The following TNFRSF8 variants were observed in gnomAD, a reference collection of about 807,000 sequenced individuals.
TNFRSF8 encodes the protein tumor necrosis factor receptor superfamily member 8.
A neutral mutation model predicts 70.8 loss-of-function variants in TNFRSF8; 26 were observed. The observed-to-expected ratio is 0.37, with a 90% CI of 0.27 to 0.51. The LOEUF is 0.51. Among genes scored for constraint, TNFRSF8 ranks in the 20% least tolerant of loss-of-function variants. The probability of loss-of-function intolerance (pLI) is 0.94; values close to 1 mark genes in which losing one functional copy is unlikely to be tolerated. For missense variants in TNFRSF8, 720 were observed against 807.9 expected (o/e 0.89, Z 1.32); for synonymous variants, 356 against 339.2 (o/e 1.05, Z -0.54).
intron 2 of TNFRSF8, among the ~76,000 whole-genome samples, chr1:12,089,409 CT>C (rs769198665): frequency 6.6e-6 from 1 of 152,220 alleles, no homozygotes; most frequent in Non-Finnish European, 1.5e-5. Flanking sequence ...CATTGTCCCC[CT>C]GGCACCTCCC....
intron 1 of TNFRSF8, among the ~76,000 whole-genome samples, chr1:12,071,001 T>A (rs763409462): frequency 2.0e-5 from 3 of 152,160 alleles, no homozygotes; most frequent in South Asian, 4.1e-4. Context: ...CCCCCTTTTT[T>A]TGGCCCCCAC....
intron 3 of TNFRSF8, among the ~76,000 whole-genome samples, chr1:12,098,688 A>C (rs569687502): frequency 6.6e-6 from 1 of 151,180 alleles, no homozygotes; most frequent in South Asian, 2.1e-4. Flanking sequence ...AAAAAAAAAA[A>C]CCCTCTAAAA....
In TNFRSF8 at chr1:12,127,848, A is replaced by G. The variant is rs547081498; in HGVS notation, c.1309+1612A>G. On this transcript the variant is annotated intron_variant, in intron 12 of 14. Coordinates refer to ENST00000263932, the MANE Select transcript of TNFRSF8 (RefSeq NM_001243.5). The stretch of plus-strand genomic sequence containing the variant: ...GAGAGCAGTTTTGTTACAGAAGAAA[A>G]AAAGAAAGAAAGAAAGAAAACACCT... Among the ~76,000 whole-genome samples, 10 of 152,302 alleles carry G rather than the reference A, an allele frequency of 6.6e-5. No individual in the cohort carries two copies. In the East Asian group the frequency reaches 1.9e-3, roughly 29 times the overall value.
chr1:12,090,268 C>G (rs1641225509), intron 2 of TNFRSF8, among the ~76,000 whole-genome samples: 1 of 150,106 alleles, frequency 6.7e-6, no homozygotes, highest in Non-Finnish European at 1.5e-5. Context: ...CAACCATCTA[C>G]CCACTCATCC....
At chr1:12,069,489 G>A (rs1279749892) in intron 1 of TNFRSF8, among the ~76,000 whole-genome samples, 1 of 152,218 alleles carries the variant, frequency 6.6e-6, no homozygotes, top group South Asian at 2.1e-4. Flanking sequence ...CTGAAATCTA[G>A]TTTTGAAAAT....
chr1:12,073,188 G>C (rs1257583307), intron 1 of TNFRSF8, among the ~76,000 whole-genome samples: 3 of 152,178 alleles, frequency 2.0e-5, no homozygotes, highest in Non-Finnish European at 4.4e-5. Context: ...GAGCCCAGGA[G>C]GTCAAGGCTG....
In TNFRSF8 at chr1:12,138,558, G is replaced by C; in HGVS notation, c.1543+122G>C. 1.0e-6 allele frequency: 1 copy of C among 1,002,374 alleles called. No individual in the cohort carries two copies. Among genetic ancestry groups the C allele is most frequent in the Non-Finnish European group, 1.4e-6 (1 of 693,518 alleles). 62.1% of individuals were successfully genotyped at this position (1,002,374 alleles called of 1,614,324 possible). ...AGTTGAAAGGCCCAGGAAAGGAGAG[G>C]CATAGATTCTTCACCCCAATTGAAG... is the stretch of plus-strand genomic sequence containing the variant. On this transcript the variant is annotated intron_variant, in intron 14 of 14. Coordinates refer to ENST00000263932, the MANE Select transcript of TNFRSF8 (RefSeq NM_001243.5). This position sits in a 1 kb window ranked among gnomAD's most constrained non-coding sequence, Gnocchi z 5.7.
rs749299729 is a variant in TNFRSF8 at position 12,088,125 on chromosome 1, T to C, written c.151+3574T>C. ...GAAGGAAGCTGAGGGACCTTTGAGA[T>C]TGAAAAATGTAGATGTCATCGAATC... On this transcript the variant is annotated intron_variant, in intron 2 of 14. Coordinates refer to ENST00000263932, the MANE Select transcript of TNFRSF8 (RefSeq NM_001243.5). This position sits in a 1 kb window ranked among gnomAD's most constrained non-coding sequence, Gnocchi z 4.0. Among the ~76,000 whole-genome samples, 9 of 151,960 alleles carry C rather than the reference T, an allele frequency of 5.9e-5. No homozygotes were observed. The highest frequency in any genetic ancestry group is 8.8e-5 in the Non-Finnish European group (6 of 67,978).
intron 4 of TNFRSF8, among the ~76,000 whole-genome samples, chr1:12,107,004 T>C (rs1275480220): frequency 6.6e-6 from 1 of 152,244 alleles, no homozygotes; most frequent in Non-Finnish European, 1.5e-5. Flanking sequence ...TTCCTGAGAC[T>C]GCCACACAGC....
chr1:12,128,508 A>T (rs980391906), intron 12 of TNFRSF8, among the ~76,000 whole-genome samples: 1 of 152,232 alleles, frequency 6.6e-6, no homozygotes, highest in African/African-American at 2.4e-5. Flanking sequence ...CCTGTGAGGT[A>T]CTTACTGTTA....
At chr1:12,078,822 T>C (rs1371832233) in intron 1 of TNFRSF8, among the ~76,000 whole-genome samples, 1 of 152,246 alleles carries the variant, frequency 6.6e-6, no homozygotes, top group Non-Finnish European at 1.5e-5. Flanking sequence ...AAGCAAACCG[T>C]TCCAGCATTT....
intron 3 of TNFRSF8, among the ~76,000 whole-genome samples, chr1:12,101,918 G>T (rs540378725): frequency 5.3e-5 from 8 of 151,998 alleles, no homozygotes; most frequent in Admixed American, 2.6e-4. Flanking sequence ...CAGGTTATCC[G>T]CCCTCCTCGG....
At chr1:12,085,715 C>T (rs953934892) in intron 2 of TNFRSF8, among the ~76,000 whole-genome samples, 1 of 152,210 alleles carries the variant, frequency 6.6e-6, no homozygotes, top group African/African-American at 2.4e-5. Context: ...CCAGGAAATC[C>T]TTCTGGAGCT....
At chr1:12,097,025 GAGA>G in intron 2 of TNFRSF8, 73 bp from the exon 3 acceptor site, 4 of 1,101,316 alleles carry the variant, frequency 3.6e-6, no homozygotes, top group Non-Finnish European at 4.1e-6. Flanking sequence ...CGTCAGGGAT[GAGA>G]GGTGTGGGGC....
intron 1 of TNFRSF8, among the ~76,000 whole-genome samples, chr1:12,083,569 C>G (rs1342734524): frequency 3.3e-5 from 5 of 152,282 alleles, no homozygotes; most frequent in African/African-American, 1.2e-4. Context: ...CACCTGTAGT[C>G]TCAGTTACTT....
chr1:12,115,655 C>T lies in TNFRSF8; in HGVS notation c.872C>T (p.Thr291Ile), dbSNP rs1263448975. ...TGTCGACCTGGCATGATCTGTGCCACATCAGCCACCAACTCCTGTGCCCGC... is the reference window on the plus strand; with the variant it reads ...TGTCGACCTGGCATGATCTGTGCCATATCAGCCACCAACTCCTGTGCCCGC... The part of the protein sequence containing the change: ...CECRPGMICA[T>I]SATNSCARCV... The change falls in exon 8 of 15, where the codon ACA becomes ATA. Residue 291 changes from threonine (T) to isoleucine (I), a missense_variant. Thr to Ile is a moderately conservative substitution (Grantham distance 89). Coordinates refer to ENST00000263932, the MANE Select transcript of TNFRSF8 (RefSeq NM_001243.5). 1 of 1,614,238 alleles carries T rather than the reference C, an allele frequency of 6.2e-7. No individual in the cohort carries two copies.
chr1:12,114,156 A>G (rs996467688), intron 7 of TNFRSF8, among the ~76,000 whole-genome samples: 4 of 152,050 alleles, frequency 2.6e-5, no homozygotes, highest in Non-Finnish European at 5.9e-5. Flanking sequence ...CGCCTCTCCC[A>G]CTTGATAGCC....
intron 12 of TNFRSF8, among the ~76,000 whole-genome samples, chr1:12,127,148 C>G (rs1641956970): frequency 6.6e-6 from 1 of 152,230 alleles, no homozygotes; most frequent in South Asian, 2.1e-4. Flanking sequence ...AGCACCTTCT[C>G]TCTCCTGGGC....
intron 13 of TNFRSF8, among the ~76,000 whole-genome samples, chr1:12,137,986 G>A (rs1642178424): frequency 6.6e-6 from 1 of 152,196 alleles, no homozygotes; most frequent in Non-Finnish European, 1.5e-5. Context: ...TTAGGACAGG[G>A]CCAACGGACG....
Sources: gnomAD v4.1 joint callset for allele counts (sites outside exome capture counted in the v4.1 genomes callset) on GRCh38, gnomAD v4.1.1 for gene constraint, Gnocchi (gnomAD v3.1) non-coding constraint, MANE v1.5 for transcripts, NCBI Gene and HGNC (gene_info 2026-07-23, HGNC 2026-07-21) for gene names.